CEMIP2: variants seen among roughly 807,000 people sequenced by gnomAD.
CEMIP2 encodes the protein cell surface hyaluronidase CEMIP2.
A neutral mutation model predicts 146.9 loss-of-function variants in CEMIP2; 79 were observed. The ratio of observed to expected loss-of-function variants is 0.54; its 90% CI spans 0.45 to 0.65. The LOEUF (loss-of-function observed/expected upper bound fraction) is 0.65. Ranked by LOEUF, CEMIP2 falls within the 30% of genes least tolerant of loss-of-function variation. The probability of loss-of-function intolerance (pLI) is 0.00; values close to 1 mark genes in which losing one functional copy is unlikely to be tolerated. For synonymous variants in CEMIP2, 601 were observed against 606.3 expected (o/e 0.99, Z 0.13); for missense variants, 1,596 against 1,696.2 (o/e 0.94, Z 1.04).
intron 21 of CEMIP2, among the ~76,000 whole-genome samples, chr9:71,692,100 C>T (rs1442910862): frequency 1.4e-5 from 2 of 146,992 alleles, no homozygotes; most frequent in Non-Finnish European, 3.0e-5. Context: ...CAGAGCGAGA[C>T]TCTATCTTAA....
At position 71,697,982 on chromosome 9, in the gene CEMIP2, T is replaced by C; in HGVS notation, c.3597+3A>G. ...CCACAGACCACTTTTCATCCTTGTT[T>C]ACCTGCCGAGTGCCACAGCCTTGAC... is the stretch of plus-strand genomic sequence containing the variant. On this transcript the variant is annotated splice_donor_region_variant and intron_variant, in intron 20 of 23. Transcript: ENST00000377044. The C allele has an allele frequency of 6.2e-7, 1 of 1,612,914 alleles. No individual in the cohort carries two copies. Among genetic ancestry groups the C allele is most frequent in the Non-Finnish European group, 8.5e-7 (1 of 1,179,440 alleles).
At chr9:71,720,772 A>G (rs971351472) in intron 12 of CEMIP2, among the ~76,000 whole-genome samples, 4 of 152,238 alleles carry the variant, frequency 2.6e-5, no homozygotes, top group African/African-American at 9.6e-5. Flanking sequence ...CTAGTTCAGT[A>G]TATGCACAAG....
At chr9:71,704,457 A>C in intron 18 of CEMIP2, 138 bp downstream of exon 18, 1 of 807,864 alleles carries the variant, frequency 1.2e-6, no homozygotes, top group East Asian at 2.7e-5. Flanking sequence ...AACACAAAAT[A>C]TACAGCCTCC....
intron 1 of CEMIP2, among the ~76,000 whole-genome samples, chr9:71,764,632 CT>C (rs1474665694): frequency 1.3e-5 from 2 of 152,094 alleles, no homozygotes; most frequent in African/African-American, 2.4e-5. Context: ...CATTACCCCC[CT>C]CCCCACCGCA....
rs1163213012 is a variant in CEMIP2 at position 71,683,593 on chromosome 9, T to C, written c.*1604A>G. On this transcript the variant is annotated 3_prime_UTR_variant, in exon 24 of 24. Transcript: ENST00000377044. ...AACCATAATCCAATAATATATTTAA[T>C]AGGTAAGATCTCATTCATCAATATA... The C allele has an allele frequency of 7.5e-6, 1 of 133,512 alleles. No homozygotes were observed. Among genetic ancestry groups the C allele is most frequent in the African/African-American group, 2.9e-5 (1 of 34,378 alleles). The allele number at this position is 133,512 out of a possible 1,614,324, so 8.3% of individuals were successfully genotyped here.
In CEMIP2 at chr9:71,730,847, A is replaced by C. The variant is rs764844671; in HGVS notation, c.1631T>G (p.Met544Arg). 1 of 1,614,076 alleles carries C rather than the reference A, an allele frequency of 6.2e-7. No individual in the cohort carries two copies. The highest frequency in any genetic ancestry group is 1.7e-5 in the Admixed American group (1 of 60,000). Reference sequence around the variant, plus strand: ...GTGAAAATGAACAGGGTATCGCCCCATCTGCTGCTGACCCATGTGTTTCAA... The same window carrying C: ...GTGAAAATGAACAGGGTATCGCCCCCTCTGCTGCTGACCCATGTGTTTCAA... The part of the protein sequence containing the change: ...VELKHMGQQQ[M>R]GRYPVHFHLC... The change falls in exon 8 of 24, where the codon ATG becomes AGG. Residue 544 changes from methionine to arginine, a missense_variant. Transcript: ENST00000377044.
intron 10 of CEMIP2, among the ~76,000 whole-genome samples, chr9:71,727,801 C>CTT (rs1392897824): frequency 1.3e-5 from 2 of 152,164 alleles, no homozygotes; most frequent in African/African-American, 4.8e-5. Flanking sequence ...TGGCTCATGC[C>CTT]TGTAATCCCA....
chr9:71,715,386 C>T (rs1477531127), intron 14 of CEMIP2, among the ~76,000 whole-genome samples: 2 of 151,014 alleles, frequency 1.3e-5, no homozygotes, highest in Admixed American at 6.6e-5. Flanking sequence ...TGGGACCACA[C>T]ATGCGTGCCA....
At chr9:71,704,209 A>G (rs947527206) in intron 18 of CEMIP2, among the ~76,000 whole-genome samples, 2 of 152,088 alleles carry the variant, frequency 1.3e-5, no homozygotes. Context: ...CCATCCCACT[A>G]CTTTCTTCTG....
At chr9:71,753,349 G>T (rs1381342041) in intron 1 of CEMIP2, among the ~76,000 whole-genome samples, 1 of 152,052 alleles carries the variant, frequency 6.6e-6, no homozygotes, top group Non-Finnish European at 1.5e-5. Flanking sequence ...GGCATGAGAG[G>T]CTAAATGAAG....
chr9:71,730,799 T>C lies in CEMIP2; in HGVS notation c.1679A>G (p.Lys560Arg). Reference protein sequence around the residue: ...HFHLCGDVDYKGGYRHATFVD... With the variant: ...HFHLCGDVDYRGGYRHATFVD... The stretch of plus-strand genomic sequence containing the variant: ...AAATGTTGCATGTCTGTATCCTCCT[T>C]TATAATCCACGTCACCACACAGGTG... Residue 560 changes from lysine to arginine, a missense_variant, in exon 8 of 24, where the codon AAA becomes AGA. Coordinates refer to ENST00000377044, the MANE Select transcript of CEMIP2 (RefSeq NM_013390.3). 1 of 1,614,210 alleles carries C rather than the reference T, an allele frequency of 6.2e-7. No homozygotes were observed. The highest frequency in any genetic ancestry group is 1.1e-5 in the South Asian group (1 of 91,080).
chr9:71,704,915 T>C (rs1319816032), intron 17 of CEMIP2, 112 bp from the exon 18 acceptor site: 1 of 1,023,434 alleles, frequency 9.8e-7, no homozygotes, highest in East Asian at 2.6e-5. Context: ...GATTCTGTGA[T>C]CTGTGCCAGA....
chr9:71,705,036 C>G (rs928996857), intron 17 of CEMIP2: 1 of 505,452 alleles, frequency 2.0e-6, no homozygotes, highest in Non-Finnish European at 3.6e-6. Context: ...TTCATCATCG[C>G]TTCCACCACT....
intron 17 of CEMIP2, among the ~76,000 whole-genome samples, chr9:71,707,094 C>T (rs1008346859): frequency 6.6e-6 from 1 of 152,194 alleles, no homozygotes; most frequent in Admixed American, 6.5e-5. Context: ...TCCCAAAGTG[C>T]TGGGATTACA....
intron 19 of CEMIP2, 33 bp downstream of exon 19, chr9:71,700,609 A>C (rs200217102): frequency 1.3e-6 from 2 of 1,543,568 alleles, no homozygotes; most frequent in Non-Finnish European, 1.7e-6. Context: ...GAAAAATAGG[A>C]ATAATTCTCA....
chr9:71,722,464 C>T lies in CEMIP2; in HGVS notation c.2230G>A (p.Asp744Asn). The change falls in exon 12 of 24, where the codon GAC (aspartate) becomes AAC (asparagine). Residue 744 changes from aspartate (D) to asparagine (N), a missense_variant. Transcript: ENST00000377044. ...GVKTTNSSAA[D>N]PREYLCLDNS... ...TCCAAACAGAGGTATTCCCTTGGGT[C>T]AGCAGCACTAGAGTTGGTTGTTTTG... The T allele has an allele frequency of 1.9e-6, 3 of 1,613,794 alleles. No individual in the cohort carries two copies. The highest frequency in any genetic ancestry group is 2.5e-6 in the Non-Finnish European group (3 of 1,179,882).
Position 71,730,917 on chromosome 9 carries a change from G to A in CEMIP2, c.1564-3C>T. 2.5e-6 allele frequency: 4 copies of A among 1,612,742 alleles called. No individual in the cohort carries two copies. The highest frequency in any genetic ancestry group is 1.1e-5 in the South Asian group (1 of 91,042). On this transcript the variant is annotated splice_region_variant and splice_polypyrimidine_tract_variant and intron_variant, in intron 7 of 23. Transcript: ENST00000377044. ...ACTGAAGTAAAATTTTTCATTATCT[G>A]TAAGTCAAGGTACTAAAATCAAACT... is the stretch of plus-strand genomic sequence containing the variant.
intron 13 of CEMIP2, among the ~76,000 whole-genome samples, chr9:71,717,402 AT>A (rs778811288): frequency 3.9e-5 from 6 of 152,166 alleles, no homozygotes; most frequent in Non-Finnish European, 8.8e-5. Context: ...AGAAAAAAAA[AT>A]ACACACACAC....
intron 15 of CEMIP2, among the ~76,000 whole-genome samples, chr9:71,712,762 G>A (rs1305292454): frequency 1.3e-5 from 2 of 152,166 alleles, no homozygotes; most frequent in Non-Finnish European, 2.9e-5. Flanking sequence ...AGCCCTCAAG[G>A]CTTACCATGT....
Sources: gnomAD v4.1 joint callset for allele counts (sites outside exome capture counted in the v4.1 genomes callset) on GRCh38, gnomAD v4.1.1 for gene constraint, MANE v1.5 for transcripts, NCBI Gene and HGNC (gene_info 2026-07-23, HGNC 2026-07-21) for gene names.